Variants in ANKS1B observed in about 807,000 individuals in gnomAD.
The protein encoded by ANKS1B is ankyrin repeat and sterile alpha motif domain-containing protein 1B.
Under a neutral mutation model 148.3 loss-of-function variants are expected in ANKS1B, and 36 were observed. The observed-to-expected ratio is 0.24, with a 90% confidence interval of 0.19 to 0.32. The LOEUF (loss-of-function observed/expected upper bound fraction) is 0.32. ANKS1B is among the 10% of genes least tolerant of loss of function. The probability of loss-of-function intolerance (pLI) is 1.00; values close to 1 mark genes in which losing one functional copy is unlikely to be tolerated. For missense variants in ANKS1B, 1,157 were observed against 1,542.6 expected, an observed-to-expected ratio of 0.75 and a Z score of 4.19; for synonymous variants, 542 against 560.8, an observed-to-expected ratio of 0.97 and a Z score of 0.47.
At chr12:99,504,028 T>C (rs1465254816) in intron 10 of ANKS1B, among the ~76,000 whole-genome samples, 1 of 152,092 alleles carries the variant, frequency 6.6e-6, no homozygotes. Context: ...CACTAGTTTG[T>C]AATGCAAAAA....
intron 11 of ANKS1B, among the ~76,000 whole-genome samples, chr12:99,413,458 C>T (rs12424566): frequency 0.27 from 40,287 of 151,894 alleles, 5,504 homozygotes; most frequent in East Asian, 0.43. Flanking sequence ...TTTATATCAA[C>T]GCACAATTTT....
At chr12:99,475,244 CA>C (rs35782669) in intron 10 of ANKS1B, among the ~76,000 whole-genome samples, 29 of 83,798 alleles carry the variant, frequency 3.5e-4, no homozygotes, top group African/African-American at 9.3e-4. Flanking sequence ...GACTCTGTTT[CA>C]AAAAAAAAAG....
At chr12:99,605,921 C>A (rs2133880) in intron 9 of ANKS1B, among the ~76,000 whole-genome samples, 106,361 of 151,854 alleles carry the variant, frequency 0.7, 37,819 homozygotes, top group African/African-American at 0.82. Flanking sequence ...GCCAATTTCC[C>A]TAGTGGTTGT....
At chr12:99,609,167 A>T (rs1253803048) in intron 9 of ANKS1B, among the ~76,000 whole-genome samples, 32 of 152,096 alleles carry the variant, frequency 2.1e-4, no homozygotes, top group South Asian at 1.0e-3. Flanking sequence ...AGAAACTCAG[A>T]CACCTTAGAA....
intron 22 of ANKS1B, among the ~76,000 whole-genome samples, chr12:98,785,215 T>C (rs918605853): frequency 5.9e-5 from 9 of 152,162 alleles, no homozygotes; most frequent in African/African-American, 1.9e-4. Context: ...CATGCCTGTA[T>C]TCCCAGCACT....
At chr12:99,099,703 A>C (rs1039049728) in intron 15 of ANKS1B, 31 of 152,354 alleles carry the variant, frequency 2.0e-4, no homozygotes, top group African/African-American at 7.2e-4. Flanking sequence ...AAATGCTTTA[A>C]TATTTTCATC....
At chr12:99,183,832 C>G (rs1566575726) in intron 14 of ANKS1B, among the ~76,000 whole-genome samples, 2 of 152,106 alleles carry the variant, frequency 1.3e-5, no homozygotes, top group Admixed American at 6.5e-5. Flanking sequence ...AAGGATTACT[C>G]TTGACTTTTT....
At chr12:99,753,825 C>T (rs1377845203) in intron 8 of ANKS1B, among the ~76,000 whole-genome samples, 4 of 151,984 alleles carry the variant, frequency 2.6e-5, no homozygotes, top group African/African-American at 9.7e-5. Context: ...AGTTCGAGAT[C>T]AACCTGGCCA....
chr12:99,851,311 T>C (rs1343081000), intron 1 of ANKS1B, among the ~76,000 whole-genome samples: 1 of 152,118 alleles, frequency 6.6e-6, no homozygotes, highest in Non-Finnish European at 1.5e-5. Context: ...TGCCATTTTC[T>C]GCCTCATACT....
intron 9 of ANKS1B, among the ~76,000 whole-genome samples, chr12:99,631,104 C>A (rs1332173027): frequency 6.6e-6 from 1 of 152,104 alleles, no homozygotes; most frequent in Non-Finnish European, 1.5e-5. Context: ...TGAGGCCTCC[C>A]CAGCCATGTG....
chr12:99,152,525 G>A (rs898596792), intron 15 of ANKS1B, among the ~76,000 whole-genome samples: 1 of 151,988 alleles, frequency 6.6e-6, no homozygotes. Flanking sequence ...TAATTTTTAC[G>A]ATCTCTCTTT....
Position 98,829,802 on chromosome 12 carries a change from C to T in ANKS1B, c.2887-449G>A, listed in dbSNP as rs1195910612. On this transcript the variant is annotated intron_variant, in intron 18 of 26. Coordinates refer to ENST00000683438, the MANE Select transcript of ANKS1B (RefSeq NM_001352186.2). This position sits in a 1 kb window ranked among gnomAD's most constrained non-coding sequence, Gnocchi z 5.2. ...TGACAACAGGGTTGGGAAGAGGACA[C>T]AGTACGGCAACACAGCATGTCACAC... Among the ~76,000 whole-genome samples, 1 of 152,208 alleles carries T rather than the reference C, an allele frequency of 6.6e-6. No individual in the cohort carries two copies. The highest frequency in any genetic ancestry group is 1.5e-5 in the Non-Finnish European group (1 of 68,038).
chr12:98,953,532 G>C, intron 17 of ANKS1B, among the ~76,000 whole-genome samples: 1 of 116,028 alleles, frequency 8.6e-6, no homozygotes. Context: ...TGAGAATCTA[G>C]AGTGGTTTTT....
intron 9 of ANKS1B, among the ~76,000 whole-genome samples, chr12:99,635,946 T>C (rs1161373368): frequency 6.6e-6 from 1 of 151,936 alleles, no homozygotes; most frequent in East Asian, 1.9e-4. Flanking sequence ...GAAAATAAGG[T>C]AAAATATTTT....
intron 12 of ANKS1B, among the ~76,000 whole-genome samples, chr12:99,261,747 C>T (rs1304062728): frequency 6.6e-6 from 1 of 152,102 alleles, no homozygotes; most frequent in Non-Finnish European, 1.5e-5. Context: ...TTGCACCTCA[C>T]AGGCAATTCT....
At chr12:99,954,902 G>C (rs1603492978) in intron 1 of ANKS1B, among the ~76,000 whole-genome samples, 1 of 152,034 alleles carries the variant, frequency 6.6e-6, no homozygotes, top group South Asian at 2.1e-4. Flanking sequence ...CCTATAAATA[G>C]GTCAACAACG....
intron 14 of ANKS1B, among the ~76,000 whole-genome samples, chr12:99,216,436 C>T (rs933274163): frequency 2.0e-5 from 3 of 152,112 alleles, no homozygotes; most frequent in Non-Finnish European, 4.4e-5. Flanking sequence ...TTTGTTAAAA[C>T]GTTATAAACA....
chr12:98,818,417 T>C (rs2153654600), intron 19 of ANKS1B, among the ~76,000 whole-genome samples: 1 of 152,294 alleles, frequency 6.6e-6, no homozygotes, highest in East Asian at 1.9e-4. Context: ...GAAATCCCTT[T>C]ACAAGAAAAA....
At chr12:99,467,089 C>A (rs1301377968) in intron 10 of ANKS1B, among the ~76,000 whole-genome samples, 1 of 152,184 alleles carries the variant, frequency 6.6e-6, no homozygotes, top group East Asian at 1.9e-4. Flanking sequence ...ATCTTATCCA[C>A]CATGATCAAG....
Sources: allele counts gnomAD v4.1 joint callset (sites outside exome capture counted in the v4.1 genomes callset), GRCh38; gene constraint gnomAD v4.1.1; non-coding constraint Gnocchi (gnomAD v3.1); transcripts MANE v1.5; gene names NCBI Gene and HGNC (gene_info 2026-07-23, HGNC 2026-07-21).